FAM83G: variants seen among roughly 807,000 people sequenced by gnomAD.
FAM83G encodes the protein scaffolding CK1 anchoring protein G.
A neutral mutation model predicts 61.5 loss-of-function variants in FAM83G; 38 were observed. The observed-to-expected ratio is 0.62, with a 90% confidence interval of 0.48 to 0.81. The LOEUF is 0.81. Among genes scored for constraint, FAM83G ranks in the 30% least tolerant of loss-of-function variants. The probability of loss-of-function intolerance (pLI) is 0.00; values close to 1 mark genes in which losing one functional copy is unlikely to be tolerated. For synonymous variants in FAM83G, 470 were observed against 476.1 expected (o/e 0.99, Z 0.17); for missense variants, 989 against 1,133.6 (o/e 0.87, Z 1.83).
Position 18,979,304 on chromosome 17 carries a change from G to A in FAM83G, c.815+245C>T, listed in dbSNP as rs563902478. 419 of 554,178 alleles carry A rather than the reference G, an allele frequency of 7.6e-4. 1 individual carries two copies. The highest frequency in any genetic ancestry group is 7.2e-3 in the African/African-American group (383 of 53,036). The allele number at this position is 554,178 out of a possible 1,614,324, so 34.3% of individuals were successfully genotyped here. On this transcript the variant is annotated intron_variant, in intron 4 of 5. Coordinates refer to ENST00000388995, the MANE Select transcript of FAM83G (RefSeq NM_001039999.3). ...GACCCCCATAGGCTTGCGAAGGCAC[G>A]GCCTGGCCACACCCCACCTCCAGGC...
chr17:18,998,718 C>T (rs1008229471), intron 2 of FAM83G, among the ~76,000 whole-genome samples: 1 of 152,228 alleles, frequency 6.6e-6, no homozygotes, highest in Admixed American at 6.5e-5. Context: ...CAGGAGTTAA[C>T]ACCTGGGATT....
At chr17:18,978,944 G>C in intron 4 of FAM83G, 94 bp from the exon 5 acceptor site, 2 of 1,409,914 alleles carry the variant, frequency 1.4e-6, no homozygotes, top group Non-Finnish European at 1.9e-6. Context: ...TCAGACTGTG[G>C]CCACAGGGCC....
chr17:18,976,839 G>T (rs146394624), intron 5 of FAM83G: 1 of 1,612,202 alleles, frequency 6.2e-7, no homozygotes. Context: ...ACCCCGTCTC[G>T]CACTCCACCC....
At chr17:18,990,951 C>G (rs1305066120) in intron 2 of FAM83G, among the ~76,000 whole-genome samples, 2 of 152,208 alleles carry the variant, frequency 1.3e-5, no homozygotes, top group Non-Finnish European at 2.9e-5. Context: ...AGGGCCCTGT[C>G]CCACCCAGAG....
Position 18,978,784 on chromosome 17 carries a change from C to T in FAM83G, c.882G>A (p.Glu294=). 1 of 1,613,026 alleles carries T rather than the reference C, an allele frequency of 6.2e-7. No homozygotes were observed. The highest frequency in any genetic ancestry group is 1.1e-5 in the South Asian group (1 of 91,086). ...VISVLSGQVV[E]MFDRQFQELY... is the part of the protein sequence containing the mutation. Reference sequence around the variant, plus strand: ...GCTCCTGGAACTGCCGGTCAAACATCTCCACCACCTGGCCAGACAGCACAG... The same window carrying T: ...GCTCCTGGAACTGCCGGTCAAACATTTCCACCACCTGGCCAGACAGCACAG... The change falls in exon 5 of 6, where the codon GAG becomes GAA. Residue 294 remains glutamate (E), a synonymous_variant. Transcript: ENST00000388995.
At chr17:18,978,982 A>G in intron 4 of FAM83G, 132 bp from the exon 5 acceptor site, 1 of 1,015,756 alleles carries the variant, frequency 9.8e-7, no homozygotes, top group Non-Finnish European at 1.4e-6. Context: ...ATGGGGGCAG[A>G]GAGCAGGTGC....
At chr17:19,004,772 G>A (rs1207600952), upstream of FAM83G, 1 of 150,228 alleles carries the variant, frequency 6.7e-6, no homozygotes, top group Non-Finnish European at 1.5e-5. This position sits in a 1 kb window ranked among gnomAD's most constrained non-coding sequence, Gnocchi z 5.4. Flanking sequence ...GAGGCTGGGC[G>A]GGGGCGCGCC....
chr17:18,975,362 T>A (rs2042950591), intron 5 of FAM83G, among the ~76,000 whole-genome samples: 1 of 152,042 alleles, frequency 6.6e-6, no homozygotes, highest in Non-Finnish European at 1.5e-5. Flanking sequence ...CTGGGAGCCG[T>A]CCGTTAAACT....
chr17:18,983,929 G>A (rs114091761), intron 3 of FAM83G, among the ~76,000 whole-genome samples: 2,568 of 152,276 alleles, frequency 0.017, 82 homozygotes, highest in African/African-American at 0.058. Context: ...TGTGGGACCT[G>A]TCCCCGGCAG....
intron 2 of FAM83G, among the ~76,000 whole-genome samples, chr17:18,991,675 C>T (rs375711734): frequency 6.3e-4 from 96 of 152,184 alleles, no homozygotes; most frequent in African/African-American, 2.3e-3. Flanking sequence ...GCATGGCAGG[C>T]GGGCACGTGT....
At chr17:18,985,685 C>T (rs1199211107) in intron 3 of FAM83G, among the ~76,000 whole-genome samples, 1 of 152,204 alleles carries the variant, frequency 6.6e-6, no homozygotes, top group Non-Finnish European at 1.5e-5. Flanking sequence ...AGCTCAGAGG[C>T]GAGAATGAGG....
chr17:18,981,772 C>T (rs1019069793), intron 3 of FAM83G, among the ~76,000 whole-genome samples: 1 of 152,216 alleles, frequency 6.6e-6, no homozygotes, highest in Non-Finnish European at 1.5e-5. Flanking sequence ...CTCGCCGGCC[C>T]CCCACCCCGC....
At chr17:18,987,530 G>T (rs946166347) in intron 3 of FAM83G, among the ~76,000 whole-genome samples, 4 of 152,212 alleles carry the variant, frequency 2.6e-5, no homozygotes, top group Non-Finnish European at 5.9e-5. Flanking sequence ...CTGGGCAGAA[G>T]AGCGTTGGAC....
At chr17:18,995,008 G>A (rs935950844) in intron 2 of FAM83G, among the ~76,000 whole-genome samples, 1 of 152,144 alleles carries the variant, frequency 6.6e-6, no homozygotes, top group East Asian at 1.9e-4. Flanking sequence ...GCATTAAATC[G>A]TTTCCAAGTA....
At chr17:18,987,247 C>A (rs991963514) in intron 3 of FAM83G, among the ~76,000 whole-genome samples, 1 of 152,182 alleles carries the variant, frequency 6.6e-6, no homozygotes, top group African/African-American at 2.4e-5. Context: ...GCCTCTACCC[C>A]ACTATCTTTA....
chr17:18,999,459 T>A (rs1425318742), intron 2 of FAM83G, among the ~76,000 whole-genome samples: 1 of 152,004 alleles, frequency 6.6e-6, no homozygotes, highest in Non-Finnish European at 1.5e-5. Context: ...CCTCCAGATA[T>A]CAGTTCTGTG....
In FAM83G at chr17:18,969,043, C is replaced by T. The variant is rs1183717358; in HGVS notation, c.*2316G>A. 1 of 1,610,442 alleles carries T rather than the reference C, an allele frequency of 6.2e-7. No individual in the cohort carries two copies. Among genetic ancestry groups the T allele is most frequent in the African/African-American group, 1.3e-5 (1 of 74,854 alleles). On this transcript the variant is annotated 3_prime_UTR_variant, in exon 6 of 6. Coordinates refer to ENST00000388995, the MANE Select transcript of FAM83G (RefSeq NM_001039999.3). The stretch of plus-strand genomic sequence containing the variant: ...TAACAGTCCCACACAAGGCTCTCTC[C>T]CTCCGCAGCTGGACCTGTACGCGGG...
chr17:18,994,923 A>C (rs1475670675), intron 2 of FAM83G, among the ~76,000 whole-genome samples: 1 of 152,256 alleles, frequency 6.6e-6, no homozygotes, highest in African/African-American at 2.4e-5. Context: ...CCTGGGGTCC[A>C]TAATTTGCAA....
Position 19,000,937 on chromosome 17 carries a change from G to A in FAM83G, c.522+2583C>T, listed in dbSNP as rs2043714597. ...GCAGGACAGCTGGAGGACTGCAGTG[G>A]CCTGGATGAGCTGCCCCTCCCAGCC... On this transcript the variant is annotated intron_variant, in intron 2 of 5. Transcript: ENST00000388995. This position sits in a 1 kb window ranked among gnomAD's most constrained non-coding sequence, Gnocchi z 5.2. 6.6e-6 allele frequency among the ~76,000 whole-genome samples: 1 copy of A among 152,174 alleles called. No individual in the cohort carries two copies. The highest frequency in any genetic ancestry group is 1.5e-5 in the Non-Finnish European group (1 of 68,030).
Sources: allele counts gnomAD v4.1 joint callset (sites outside exome capture counted in the v4.1 genomes callset), GRCh38; gene constraint gnomAD v4.1.1; non-coding constraint Gnocchi (gnomAD v3.1); transcripts MANE v1.5; gene names NCBI Gene and HGNC (gene_info 2026-07-23, HGNC 2026-07-21).